Variants in HEXB observed in about 807,000 individuals in gnomAD.
HEXB encodes the protein hexosaminidase subunit beta.
HEXB carries 51 observed loss-of-function variants against 71.2 expected under a neutral mutation model. That is an observed-to-expected ratio of 0.72 (90% CI 0.57 to 0.90). The LOEUF is 0.90. HEXB is among the 40% of genes least tolerant of loss of function. The pLI is 0.00. For missense variants in HEXB, 617 were observed against 677.0 expected, an observed-to-expected ratio of 0.91 and a Z score of 0.98; for synonymous variants, 266 against 249.3, an observed-to-expected ratio of 1.07 and a Z score of -0.63.
chr5:74,694,993 T>G (rs1448237898), intron 3 of HEXB, among the ~76,000 whole-genome samples: 3 of 151,860 alleles, frequency 2.0e-5, no homozygotes, highest in Non-Finnish European at 4.4e-5. Context: ...AATAAAGATT[T>G]GGAATCTGAC....
At position 74,693,697 on chromosome 5, in the gene HEXB, A is replaced by C. The variant is rs993517054; in HGVS notation, c.504A>C (p.Ala168=). The change falls in exon 3 of 14, where the codon GCA becomes GCC. Residue 168 remains alanine (A), a synonymous_variant. Coordinates refer to ENST00000261416, the MANE Select transcript of HEXB (RefSeq NM_000521.4). ...TTAAGGCCAACAGAGTTTGGGGAGC[A>C]TTACGAGGTAAGTTCCATGCAGTTT... ...AVLKANRVWG[A]LRGLETFSQL... is the part of the protein sequence containing the mutation. The C allele has an allele frequency of 6.2e-7, 1 of 1,611,126 alleles. No homozygotes were observed. Among genetic ancestry groups the C allele is most frequent in the Non-Finnish European group, 8.5e-7 (1 of 1,177,248 alleles).
intron 1 of HEXB, among the ~76,000 whole-genome samples, chr5:74,672,235 C>T (rs1380504037): frequency 6.6e-6 from 1 of 152,242 alleles, no homozygotes; most frequent in Non-Finnish European, 1.5e-5. Context: ...GGAATGTACT[C>T]CTTGCTCCAA....
intron 5 of HEXB, among the ~76,000 whole-genome samples, chr5:74,700,171 T>G (rs1047198221): frequency 3.2e-4 from 48 of 151,494 alleles, no homozygotes; most frequent in African/African-American, 9.9e-4. Context: ...CACACCCGGC[T>G]AATTTTTTGT....
chr5:74,667,130 A>G (rs860245), intron 1 of HEXB, among the ~76,000 whole-genome samples: 40,616 of 151,916 alleles, frequency 0.27, 5,580 homozygotes, highest in Non-Finnish European at 0.3. Flanking sequence ...TTTAAAAATT[A>G]TTGGCCGGGC....
At chr5:74,672,650 T>G (rs1279290661) in intron 1 of HEXB, among the ~76,000 whole-genome samples, 3 of 152,236 alleles carry the variant, frequency 2.0e-5, no homozygotes, top group Non-Finnish European at 2.9e-5. Context: ...CTGACAGCAA[T>G]GCCCTCTTAG....
intron 1 of HEXB, among the ~76,000 whole-genome samples, chr5:74,667,527 A>G (rs1748455004): frequency 6.6e-6 from 1 of 152,226 alleles, no homozygotes; most frequent in Non-Finnish European, 1.5e-5. Flanking sequence ...CCAAGGAGGA[A>G]CAAAATATTC....
Position 74,713,596 on chromosome 5 carries a change from GAA to G in HEXB, c.863_864del (p.Glu288ValfsTer2), listed in dbSNP as rs1561225941. The G allele has an allele frequency of 6.2e-7, 1 of 1,613,534 alleles. No individual in the cohort carries two copies. Among genetic ancestry groups the G allele is most frequent in the Admixed American group, 1.7e-5 (1 of 60,028 alleles). On this transcript the variant is annotated frameshift_variant, in exon 7 of 14. Coordinates refer to ENST00000261416, the MANE Select transcript of HEXB (RefSeq NM_000521.4). LOFTEE classifies it high-confidence loss of function. ...ATTACGAGGAATTCGAGTCCTGCCA[GAA>G]TTTGATACCCCTGGGCATACACTAT... Reference protein sequence around the residue: ...ARLRGIRVLPEFDTPGHTLSW... With the variant: ...ARLRGIRVLPXFDTPGHTLSW...
At chr5:74,680,106 TA>T (rs2112114501) in intron 1 of HEXB, among the ~76,000 whole-genome samples, 1 of 152,300 alleles carries the variant, frequency 6.6e-6, no homozygotes, top group South Asian at 2.1e-4. Context: ...ACACAGTCTT[TA>T]ACAGCAGAAA....
intron 5 of HEXB, among the ~76,000 whole-genome samples, chr5:74,697,992 G>T (rs1749153911): frequency 6.6e-6 from 1 of 151,926 alleles, no homozygotes. Context: ...ATTTGTAGGG[G>T]TGGGGAGGTT....
chr5:74,717,934 G>A (rs1444959373), intron 9 of HEXB, among the ~76,000 whole-genome samples: 4 of 152,150 alleles, frequency 2.6e-5, no homozygotes, highest in African/African-American at 4.8e-5. Context: ...AGGCTAGATC[G>A]TGGTCCCTAC....
chr5:74,672,125 T>G (rs115650025), intron 1 of HEXB, among the ~76,000 whole-genome samples: 1,563 of 152,302 alleles, frequency 0.01, 27 homozygotes, highest in African/African-American at 0.036. Flanking sequence ...GCCCCCACCC[T>G]GACCCCTCTC....
At chr5:74,700,422 T>C (rs1749235778) in intron 5 of HEXB, among the ~76,000 whole-genome samples, 1 of 151,986 alleles carries the variant, frequency 6.6e-6, no homozygotes, top group African/African-American at 2.4e-5. Flanking sequence ...CTTTTATATT[T>C]GCTTATATGT....
intron 1 of HEXB, among the ~76,000 whole-genome samples, chr5:74,670,239 T>TC (rs943131150): frequency 6.6e-6 from 1 of 150,530 alleles, no homozygotes; most frequent in African/African-American, 2.4e-5. Context: ...TGTTTTAGCC[T>TC]CTTTTTTTTT....
intron 6 of HEXB, among the ~76,000 whole-genome samples, chr5:74,708,828 C>T (rs2112162860): frequency 6.6e-6 from 1 of 151,916 alleles, no homozygotes; most frequent in Middle Eastern, 3.4e-3. Flanking sequence ...CTTAGACTCC[C>T]ACACATTAAT....
At chr5:74,705,634 C>G (rs1429737906) in intron 6 of HEXB, 1 of 304,946 alleles carries the variant, frequency 3.3e-6, no homozygotes. Flanking sequence ...ATCAAGTTGT[C>G]CAACAGTGTA....
At chr5:74,661,944 T>C (rs1447395371) in intron 1 of HEXB, among the ~76,000 whole-genome samples, 1 of 152,218 alleles carries the variant, frequency 6.6e-6, no homozygotes, top group African/African-American at 2.4e-5. Flanking sequence ...CAAAATGACC[T>C]GTTTGTCCTC....
chr5:74,645,297 G>A (rs1178974067), intron 1 of HEXB, among the ~76,000 whole-genome samples: 2 of 152,122 alleles, frequency 1.3e-5, no homozygotes, highest in Admixed American at 6.5e-5. Context: ...TAACTCCTGG[G>A]CTCAAGCCAT....
At chr5:74,676,116 G>C (rs898175874) in intron 1 of HEXB, among the ~76,000 whole-genome samples, 1 of 152,176 alleles carries the variant, frequency 6.6e-6, no homozygotes, top group African/African-American at 2.4e-5. Flanking sequence ...CCTATCAATA[G>C]CAGTTTTTGT....
chr5:74,697,868 T>A (rs115812712), intron 5 of HEXB, among the ~76,000 whole-genome samples: 1 of 151,958 alleles, frequency 6.6e-6, no homozygotes, highest in African/African-American at 2.4e-5. Context: ...CCTAGGGAAC[T>A]ATTCCAAAGG....
Sources: gnomAD v4.1 joint callset for allele counts (sites outside exome capture counted in the v4.1 genomes callset) on GRCh38, gnomAD v4.1.1 for gene constraint, MANE v1.5 for transcripts, NCBI Gene and HGNC (gene_info 2026-07-23, HGNC 2026-07-21) for gene names.